Variants in PATJ observed in about 807,000 individuals in gnomAD.
PATJ encodes inaD-like protein.
PATJ carries 190 observed loss-of-function variants against 224.9 expected under a neutral mutation model. That is an observed-to-expected ratio of 0.84 (90% CI 0.75 to 0.95). PATJ has a LOEUF of 0.95. Ranked by LOEUF, PATJ falls within the 40% of genes least tolerant of loss-of-function variation. The pLI is 0.00. For synonymous variants in PATJ, 769 were observed against 820.3 expected (o/e 0.94, Z 1.07); for missense variants, 2,121 against 2,270.3 (o/e 0.93, Z 1.34).
Position 62,148,336 on chromosome 1 carries a change from C to G in PATJ, c.5324C>G (p.Ser1775Cys), listed in dbSNP as rs1668285944. ...SAIAAQLENM[S>C]TGYHLGSPTA... ...ATAGCAGCTCAGCTTGAAAACATGT[C>G]TACAGGCTACCACCTTGGTTCGCCC... Residue 1775 changes from serine (S) to cysteine (C), a missense_variant, in exon 42 of 44, where the codon TCT (serine) becomes TGT (cysteine). Transcript: ENST00000642238. The G allele has an allele frequency of 6.2e-7, 1 of 1,613,912 alleles. No homozygotes were observed.
chr1:61,832,796 T>C (rs1332223703), intron 16 of PATJ, among the ~76,000 whole-genome samples: 1 of 152,164 alleles, frequency 6.6e-6, no homozygotes. Context: ...TTTGGGGGAA[T>C]GTCAATCAGA....
In PATJ at chr1:61,899,637, C is replaced by A; in HGVS notation, c.3186C>A (p.His1062Gln). ...GAGAAGAAACTCCAAATTTTAGCCACTGGGGTCCACCGAGAATGTATGTGG... is the reference window on the plus strand; with the variant it reads ...GAGAAGAAACTCCAAATTTTAGCCAATGGGGTCCACCGAGAATGTATGTGG... The part of the protein sequence containing the change: ...GEGEETPNFS[H>Q]WGPPRIVEIF... The change falls in exon 23 of 44, where the codon CAC becomes CAA. Residue 1062 changes from histidine (H) to glutamine (Q), a missense_variant. By Grantham distance (24) the His-to-Gln change is conservative. Coordinates refer to ENST00000642238, the MANE Select transcript of PATJ (RefSeq NM_001350145.3). The A allele has an allele frequency of 6.2e-7, 1 of 1,609,572 alleles. No homozygotes were observed. The highest frequency in any genetic ancestry group is 8.5e-7 in the Non-Finnish European group (1 of 1,177,980).
chr1:61,785,860 A>G (rs1648400139), intron 7 of PATJ, among the ~76,000 whole-genome samples: 1 of 152,160 alleles, frequency 6.6e-6, no homozygotes, highest in African/African-American at 2.4e-5. Flanking sequence ...ATGATAATTA[A>G]AACAATAATT....
intron 23 of PATJ, 108 bp downstream of exon 23, chr1:61,899,762 C>A: frequency 1.5e-6 from 1 of 657,266 alleles, no homozygotes; most frequent in Non-Finnish European, 2.5e-6. Flanking sequence ...TTGAGAATTG[C>A]GATAATTCAC....
At chr1:62,055,658 G>T (rs1183744747) in intron 31 of PATJ, among the ~76,000 whole-genome samples, 1 of 152,104 alleles carries the variant, frequency 6.6e-6, no homozygotes, top group African/African-American at 2.4e-5. Context: ...AGCATTAAGG[G>T]GTAGCCATAG....
At chr1:61,791,578 C>T in intron 9 of PATJ, 131 bp downstream of exon 9, 1 of 524,064 alleles carries the variant, frequency 1.9e-6, no homozygotes, top group Non-Finnish European at 3.4e-6. Flanking sequence ...TACTAGCAAG[C>T]AGTCACTTCT....
chr1:62,014,908 G>C (rs1213643736), intron 28 of PATJ, among the ~76,000 whole-genome samples: 2 of 151,992 alleles, frequency 1.3e-5, no homozygotes, highest in African/African-American at 4.8e-5. Context: ...AGCTAAGTAG[G>C]TAAGAAGATA....
chr1:62,128,688 C>G (rs1000650896), intron 40 of PATJ, among the ~76,000 whole-genome samples, 153 bp from the exon 41 acceptor site: 3 of 152,202 alleles, frequency 2.0e-5, no homozygotes, highest in African/African-American at 7.2e-5. Flanking sequence ...CAAAAAAATT[C>G]CTCATGCTTC....
chr1:61,863,037 T>G (rs866617661), intron 19 of PATJ, among the ~76,000 whole-genome samples: 8 of 142,238 alleles, frequency 5.6e-5, no homozygotes, highest in Non-Finnish European at 1.1e-4. Flanking sequence ...GTTTTTTTTT[T>G]TTTTTTTTTT....
intron 20 of PATJ, among the ~76,000 whole-genome samples, chr1:61,871,976 G>C (rs886385811): frequency 1.3e-5 from 2 of 151,936 alleles, no homozygotes; most frequent in Non-Finnish European, 2.9e-5. Flanking sequence ...AAAGTGCTGG[G>C]ATTACAGGCT....
intron 14 of PATJ, among the ~76,000 whole-genome samples, chr1:61,817,920 G>A (rs1381485157): frequency 6.6e-6 from 1 of 152,002 alleles, no homozygotes; most frequent in Non-Finnish European, 1.5e-5. Flanking sequence ...AGAGTTACAA[G>A]AACCAATCAT....
intron 27 of PATJ, among the ~76,000 whole-genome samples, chr1:61,945,932 G>A (rs1426009087): frequency 1.3e-5 from 2 of 152,098 alleles, no homozygotes; most frequent in African/African-American, 4.8e-5. Flanking sequence ...CCGCTCAACT[G>A]CATGGAAATT....
intron 41 of PATJ, among the ~76,000 whole-genome samples, chr1:62,144,771 A>ATATATATAGATATATATATATATATATAT (rs1439255158): frequency 1.4e-5 from 1 of 73,342 alleles, no homozygotes. Context: ...ATTTGCAAAA[A>ATATATATAGATATATATATATATATATAT]AAAAAAATAT....
chr1:61,947,677 C>T (rs1412303078), intron 27 of PATJ, among the ~76,000 whole-genome samples: 5 of 152,146 alleles, frequency 3.3e-5, no homozygotes, highest in Non-Finnish European at 1.5e-5. Flanking sequence ...CCCCATGAGG[C>T]TACCAATGAC....
At chr1:61,956,417 G>A (rs906277346) in intron 27 of PATJ, among the ~76,000 whole-genome samples, 1 of 152,124 alleles carries the variant, frequency 6.6e-6, no homozygotes, top group Non-Finnish European at 1.5e-5. Flanking sequence ...ACCTGCTTCG[G>A]GTTTTCCATA....
At chr1:61,865,996 G>T (rs1289364698) in intron 20 of PATJ, among the ~76,000 whole-genome samples, 1 of 152,048 alleles carries the variant, frequency 6.6e-6, no homozygotes, top group East Asian at 1.9e-4. Flanking sequence ...CATGATAGAG[G>T]GCCCTGGGCA....
intron 17 of PATJ, among the ~76,000 whole-genome samples, chr1:61,841,321 G>A (rs563243233): frequency 1.3e-5 from 2 of 152,212 alleles, no homozygotes; most frequent in African/African-American, 4.8e-5. Flanking sequence ...TCAGTATATA[G>A]TTTTCAATAG....
chr1:61,857,953 A>G (rs1228526684), intron 18 of PATJ, among the ~76,000 whole-genome samples: 1 of 152,248 alleles, frequency 6.6e-6, no homozygotes, highest in African/African-American at 2.4e-5. Context: ...TTAACTTAAC[A>G]TACGAATAAC....
intron 29 of PATJ, among the ~76,000 whole-genome samples, chr1:62,021,694 A>G (rs1016854975): frequency 2.0e-5 from 3 of 152,090 alleles, no homozygotes; most frequent in Non-Finnish European, 2.9e-5. Context: ...ACCTTCTTTT[A>G]TAGGGAGAAA....
Sources: gnomAD v4.1 joint callset for allele counts (sites outside exome capture counted in the v4.1 genomes callset) on GRCh38, gnomAD v4.1.1 for gene constraint, MANE v1.5 for transcripts, NCBI Gene and HGNC (gene_info 2026-07-23, HGNC 2026-07-21) for gene names.